C2CD4A: variants seen among roughly 807,000 people sequenced by gnomAD.
C2CD4A encodes the protein C2 calcium-dependent domain-containing protein 4A.
In C2CD4A, 2 loss-of-function variants were observed where a neutral mutation model predicts 0.4. That is an observed-to-expected ratio of 4.45 (90% confidence interval 1.82 to 13.99). The LOEUF is 13.99. Among genes scored for constraint, C2CD4A ranks in the 30% most tolerant of loss-of-function variants. The probability of loss-of-function intolerance (pLI) is 0.04; values close to 1 mark genes in which losing one functional copy is unlikely to be tolerated. For missense variants in C2CD4A, 610 were observed against 574.2 expected (o/e 1.06, Z -0.64); for synonymous variants, 297 against 280.8 (o/e 1.06, Z -0.58).
At position 62,067,663 on chromosome 15, in the gene C2CD4A, G is replaced by C; in HGVS notation, c.50G>C (p.Ser17Thr). The C allele has an allele frequency of 6.2e-7, 1 of 1,606,586 alleles. No individual in the cohort carries two copies. Among genetic ancestry groups the C allele is most frequent in the East Asian group, 2.2e-5 (1 of 44,830 alleles). ...TTGGGTCCTGAGTGCCTTCGGCGGA[G>C]CGGAGACTGGCTTCTCCCGGGTCGG... is the stretch of plus-strand genomic sequence containing the variant. ...LRLGPECLRR[S>T]GDWLLPGRAR... Residue 17 changes from serine to threonine, a missense_variant, in exon 2 of 2, where the codon AGC becomes ACC. Ser to Thr is a moderately conservative substitution (Grantham distance 58, BLOSUM62 1). Transcript: ENST00000355522.
At position 62,068,478 on chromosome 15, in the gene C2CD4A, G is replaced by T; in HGVS notation, c.865G>T (p.Ala289Ser). Reference sequence around the variant, plus strand: ...GGCCGGAGGCGCCCCCGGGCCCCGAGCCGTCAGCTGTCGCCTCAGCCTCGT... The same window carrying T: ...GGCCGGAGGCGCCCCCGGGCCCCGATCCGTCAGCTGTCGCCTCAGCCTCGT... Reference protein sequence around the residue: ...SPAGGAPGPRAVSCRLSLVLR... With the variant: ...SPAGGAPGPRSVSCRLSLVLR... The change falls in exon 2 of 2, where the codon GCC (alanine) becomes TCC (serine). Residue 289 changes from alanine (A) to serine (S), a missense_variant. By Grantham distance (99) the Ala-to-Ser change is moderately conservative. Coordinates refer to ENST00000355522, the MANE Select transcript of C2CD4A (RefSeq NM_207322.3). 1 of 1,468,928 alleles carries T rather than the reference G, an allele frequency of 6.8e-7. No homozygotes were observed. The highest frequency in any genetic ancestry group is 1.3e-5 in the South Asian group (1 of 75,266). 91.0% of individuals were successfully genotyped at this position (1,468,928 alleles called of 1,614,324 possible).
At position 62,068,246 on chromosome 15, in the gene C2CD4A, C is replaced by T; in HGVS notation, c.633C>T (p.Asn211=). The change falls in exon 2 of 2, where the codon AAC becomes AAT. Residue 211 remains asparagine, a synonymous_variant. Coordinates refer to ENST00000355522, the MANE Select transcript of C2CD4A (RefSeq NM_207322.3). Reference sequence around the variant, plus strand: ...GCGTCCGCTCCGTCTCCAGCGGGAACGAGGACAAGGAGCGCCGCGCGGGCT... The same window carrying T: ...GCGTCCGCTCCGTCTCCAGCGGGAATGAGGACAAGGAGCGCCGCGCGGGCT... ...LTRVRSVSSG[N]EDKERRAGSQ... 7.3e-7 allele frequency: 1 copy of T among 1,375,430 alleles called. No individual in the cohort carries two copies. Among genetic ancestry groups the T allele is most frequent in the Non-Finnish European group, 9.4e-7 (1 of 1,064,112 alleles). 85.2% of individuals were successfully genotyped at this position (1,375,430 alleles called of 1,614,324 possible).
chr15:62,069,071 G>A lies in C2CD4A; in HGVS notation c.*348G>A. ...CCAATCACCTCATTTTAAAATTGGTGCTTTCCACAACATGCATGGAGACCA... is the reference window on the plus strand; with the variant it reads ...CCAATCACCTCATTTTAAAATTGGTACTTTCCACAACATGCATGGAGACCA... On this transcript the variant is annotated 3_prime_UTR_variant, in exon 2 of 2. Coordinates refer to ENST00000355522, the MANE Select transcript of C2CD4A (RefSeq NM_207322.3). The A allele has an allele frequency of 3.8e-6, 1 of 266,456 alleles. No individual in the cohort carries two copies. Among genetic ancestry groups the A allele is most frequent in the East Asian group, 7.1e-5 (1 of 14,030 alleles). The allele number at this position is 266,456 out of a possible 1,614,324, so 16.5% of individuals were successfully genotyped here. A position where few individuals can be genotyped will look rare whatever the true frequency, so the allele number is the denominator to read the frequency against.
Position 62,068,026 on chromosome 15 carries a change from G to A in C2CD4A, c.413G>A (p.Gly138Asp). The change falls in exon 2 of 2, where the codon GGC (glycine) becomes GAC (aspartate). Residue 138 changes from glycine (G) to aspartate (D), a missense_variant. Coordinates refer to ENST00000355522, the MANE Select transcript of C2CD4A (RefSeq NM_207322.3). ...CCCCGGGCCCACACCTACGGCGGCG[G>A]CGGCGGCCCGGACGCCCTCCTGGGG... ...PRPRAHTYGG[G>D]GGPDALLGTL... 2.3e-6 allele frequency: 3 copies of A among 1,277,648 alleles called. No homozygotes were observed. Among genetic ancestry groups the A allele is most frequent in the African/African-American group, 3.1e-5 (2 of 63,834 alleles). 79.1% of individuals were successfully genotyped at this position (1,277,648 alleles called of 1,614,324 possible).
chr15:62,067,667 A>G lies in C2CD4A; in HGVS notation c.54A>G (p.Gly18=). The G allele has an allele frequency of 1.1e-5, 17 of 1,607,174 alleles. No individual in the cohort carries two copies. Among genetic ancestry groups the G allele is most frequent in the Non-Finnish European group, 1.4e-5 (16 of 1,179,680 alleles). ...RLGPECLRRS[G]DWLLPGRARG... ...GTCCTGAGTGCCTTCGGCGGAGCGG[A>G]GACTGGCTTCTCCCGGGTCGGGCCC... The change falls in exon 2 of 2, where the codon GGA becomes GGG. Residue 18 remains glycine (G), a synonymous_variant. Transcript: ENST00000355522.
At position 62,070,730 on chromosome 15, in the gene C2CD4A, T is replaced by G. The variant is rs1254502113; in HGVS notation, c.*2007T>G. On this transcript the variant is annotated 3_prime_UTR_variant, in exon 2 of 2. Coordinates refer to ENST00000355522, the MANE Select transcript of C2CD4A (RefSeq NM_207322.3). ...TTGCAGTTGTTGACCAAATGAATGA[T>G]GACATAGAGTAGTTCAGATCTATCA... The G allele has an allele frequency of 4.1e-5, 16 of 386,276 alleles. No individual in the cohort carries two copies. Among genetic ancestry groups the G allele is most frequent in the Non-Finnish European group, 6.2e-5 (13 of 210,622 alleles). The allele number at this position is 386,276 out of a possible 1,614,324, so 23.9% of individuals were successfully genotyped here.
Position 62,069,086 on chromosome 15 carries a change from C to T in C2CD4A, c.*363C>T. The T allele has an allele frequency of 4.0e-6, 1 of 248,112 alleles. No individual in the cohort carries two copies. The highest frequency in any genetic ancestry group is 8.2e-6 in the Non-Finnish European group (1 of 121,484). 15.4% of individuals were successfully genotyped at this position (248,112 alleles called of 1,614,324 possible). ...TAAAATTGGTGCTTTCCACAACATG[C>T]ATGGAGACCATCTTGGAGCATTTAC... On this transcript the variant is annotated 3_prime_UTR_variant, in exon 2 of 2. Transcript: ENST00000355522.
In C2CD4A at chr15:62,068,861, T is replaced by C. The variant is rs1229311544; in HGVS notation, c.*138T>C. The C allele has an allele frequency of 3.4e-6, 4 of 1,182,714 alleles. No individual in the cohort carries two copies. The African/African-American group carries it at 6.4e-5, about 19-fold the overall frequency. The allele number at this position is 1,182,714 out of a possible 1,614,324, so 73.3% of individuals were successfully genotyped here. ...CTGGCAGAGATGATTCTAGATTAAC[T>C]ATCCCAGTAAAAGATATGATATTTT... is the stretch of plus-strand genomic sequence containing the variant. On this transcript the variant is annotated 3_prime_UTR_variant, in exon 2 of 2. Transcript: ENST00000355522.
chr15:62,068,436 C>T lies in C2CD4A; in HGVS notation c.823C>T (p.Leu275Phe), dbSNP rs1399684350. 1.4e-6 allele frequency: 2 copies of T among 1,414,306 alleles called. No individual in the cohort carries two copies. The highest frequency in any genetic ancestry group is 3.0e-5 in the African/African-American group (2 of 66,198). 87.6% of individuals were successfully genotyped at this position (1,414,306 alleles called of 1,614,324 possible). A position where few individuals can be genotyped will look rare whatever the true frequency, so the allele number is the denominator to read the frequency against. The change falls in exon 2 of 2, where the codon CTC becomes TTC. Residue 275 changes from leucine (L) to phenylalanine (F), a missense_variant. Physicochemically the swap from Leu to Phe is conservative, Grantham distance 22. Coordinates refer to ENST00000355522, the MANE Select transcript of C2CD4A (RefSeq NM_207322.3). ...PGTGRLRLRLLRAESPAGGAP... is the reference protein window; with the variant it reads ...PGTGRLRLRLFRAESPAGGAP... ...AACCGGGCGGCTCCGCCTCCGGCTG[C>T]TCCGCGCCGAGAGCCCGGCCGGAGG...
rs1450548717 is a variant in C2CD4A at position 62,068,242 on chromosome 15, G to A, written c.629G>A (p.Gly210Glu). The change falls in exon 2 of 2, where the codon GGG (glycine) becomes GAG (glutamate). Residue 210 changes from glycine (G) to glutamate (E), a missense_variant. By Grantham distance (98) the Gly-to-Glu change is moderately conservative. Coordinates refer to ENST00000355522, the MANE Select transcript of C2CD4A (RefSeq NM_207322.3). Reference protein sequence around the residue: ...RLTRVRSVSSGNEDKERRAGS... With the variant: ...RLTRVRSVSSENEDKERRAGS... ...ACCCGCGTCCGCTCCGTCTCCAGCG[G>A]GAACGAGGACAAGGAGCGCCGCGCG... 8 of 1,376,034 alleles carry A rather than the reference G, an allele frequency of 5.8e-6. No individual in the cohort carries two copies. The Admixed American group carries it at 1.2e-4, about 21-fold the overall frequency. 85.2% of individuals were successfully genotyped at this position (1,376,034 alleles called of 1,614,324 possible). A position where few individuals can be genotyped will look rare whatever the true frequency, so the allele number is the denominator to read the frequency against.
Position 62,068,832 on chromosome 15 carries a change from A to G in C2CD4A, c.*109A>G. 7.6e-7 allele frequency: 1 copy of G among 1,323,882 alleles called. No individual in the cohort carries two copies. Among genetic ancestry groups the G allele is most frequent in the South Asian group, 1.8e-5 (1 of 56,366 alleles). 82.0% of individuals were successfully genotyped at this position (1,323,882 alleles called of 1,614,324 possible). A position where few individuals can be genotyped will look rare whatever the true frequency, so the allele number is the denominator to read the frequency against. On this transcript the variant is annotated 3_prime_UTR_variant, in exon 2 of 2. Coordinates refer to ENST00000355522, the MANE Select transcript of C2CD4A (RefSeq NM_207322.3). Reference sequence around the variant, plus strand: ...GTTCTTATCAGTCCCGTTTCAGTACAACACTGGCAGAGATGATTCTAGATT... The same window carrying G: ...GTTCTTATCAGTCCCGTTTCAGTACGACACTGGCAGAGATGATTCTAGATT...
In C2CD4A at chr15:62,070,061, T is replaced by C; in HGVS notation, c.*1338T>C. On this transcript the variant is annotated 3_prime_UTR_variant, in exon 2 of 2. Transcript: ENST00000355522. ...GAACAGGCAGTGGAGAGTGTACAGA[T>C]AGCATGGTTTTACCTCTGGCTTCTG... 3.2e-6 allele frequency: 1 copy of C among 310,536 alleles called. No individual in the cohort carries two copies. Among genetic ancestry groups the C allele is most frequent in the Non-Finnish European group, 6.1e-6 (1 of 163,330 alleles). The allele number at this position is 310,536 out of a possible 1,614,324, so 19.2% of individuals were successfully genotyped here. A position where few individuals can be genotyped will look rare whatever the true frequency, so the allele number is the denominator to read the frequency against.
Position 62,068,530 on chromosome 15 carries a change from G to C in C2CD4A, c.917G>C (p.Arg306Pro), listed in dbSNP as rs772989740. ...LVLRPPGTALRQCSTVVGRSR... is the reference protein window; with the variant it reads ...LVLRPPGTALPQCSTVVGRSR... ...CTGCGGCCGCCGGGCACCGCGCTTCGGCAATGCAGCACTGTGGTGGGGCGC... is the reference window on the plus strand; with the variant it reads ...CTGCGGCCGCCGGGCACCGCGCTTCCGCAATGCAGCACTGTGGTGGGGCGC... Residue 306 changes from arginine (R) to proline (P), a missense_variant, in exon 2 of 2, where the codon CGG (arginine) becomes CCG (proline). Physicochemically the swap from Arg to Pro is moderately radical, Grantham distance 103. Transcript: ENST00000355522. 52 of 1,533,698 alleles carry C rather than the reference G, an allele frequency of 3.4e-5. 2 individuals are homozygous for C. In the South Asian group the frequency reaches 5.8e-4, roughly 17 times the overall value.
chr15:62,068,463 G>GC lies in C2CD4A; in HGVS notation c.855dup (p.Gly286ArgfsTer36). On this transcript the variant is annotated frameshift_variant, in exon 2 of 2. Coordinates refer to ENST00000355522, the MANE Select transcript of C2CD4A (RefSeq NM_207322.3). ...CCGCGCCGAGAGCCCGGCCGGAGGCGCCCCCGGGCCCCGAGCCGTCAGCTG... is the reference window on the plus strand; with the variant it reads ...CCGCGCCGAGAGCCCGGCCGGAGGCGCCCCCCGGGCCCCGAGCCGTCAGCTG... 2.8e-6 allele frequency: 4 copies of GC among 1,429,262 alleles called. No individual in the cohort carries two copies. The highest frequency in any genetic ancestry group is 2.7e-6 in the Non-Finnish European group (3 of 1,100,352). The allele number at this position is 1,429,262 out of a possible 1,614,324, so 88.5% of individuals were successfully genotyped here.
chr15:62,068,158 T>G lies in C2CD4A; in HGVS notation c.545T>G (p.Leu182Arg). Residue 182 changes from leucine to arginine, a missense_variant, in exon 2 of 2, where the codon CTG (leucine) becomes CGG (arginine). Transcript: ENST00000355522. ...CGGCGGCCCCGCGGCTGCCGCCTCC[T>G]GCGCGTCCCCGACGGGCTGCTGAGT... ...LARRPRGCRL[L>R]RVPDGLLSRA... 2 of 1,228,092 alleles carry G rather than the reference T, an allele frequency of 1.6e-6. No homozygotes were observed. The highest frequency in any genetic ancestry group is 1.6e-5 in the African/African-American group (1 of 63,196). The allele number at this position is 1,228,092 out of a possible 1,614,324, so 76.1% of individuals were successfully genotyped here. A position where few individuals can be genotyped will look rare whatever the true frequency, so the allele number is the denominator to read the frequency against.
In C2CD4A at chr15:62,068,247, G is replaced by A. The variant is rs1037498703; in HGVS notation, c.634G>A (p.Glu212Lys). The A allele has an allele frequency of 1.1e-4, 145 of 1,369,142 alleles. No homozygotes were observed. Among genetic ancestry groups the A allele is most frequent in the Non-Finnish European group, 1.3e-4 (141 of 1,061,260 alleles). The allele number at this position is 1,369,142 out of a possible 1,614,324, so 84.8% of individuals were successfully genotyped here. A position where few individuals can be genotyped will look rare whatever the true frequency, so the allele number is the denominator to read the frequency against. Residue 212 changes from glutamate to lysine, a missense_variant, in exon 2 of 2, where the codon GAG becomes AAG. Physicochemically the swap from Glu to Lys is moderately conservative, Grantham distance 56 (BLOSUM62 1). Transcript: ENST00000355522. ...CGTCCGCTCCGTCTCCAGCGGGAAC[G>A]AGGACAAGGAGCGCCGCGCGGGCTC... is the stretch of plus-strand genomic sequence containing the variant. ...TRVRSVSSGN[E>K]DKERRAGSQS...
rs1282962500 is a variant in C2CD4A at position 62,070,658 on chromosome 15, A to C, written c.*1935A>C. On this transcript the variant is annotated 3_prime_UTR_variant, in exon 2 of 2. Coordinates refer to ENST00000355522, the MANE Select transcript of C2CD4A (RefSeq NM_207322.3). ...GATGACCATTGAACAAATGTGAAGA[A>C]TACTGTGAATTCTATGACTTTATCA... is the stretch of plus-strand genomic sequence containing the variant. The C allele has an allele frequency of 9.7e-6, 4 of 410,284 alleles. No individual in the cohort carries two copies. The highest frequency in any genetic ancestry group is 1.8e-5 in the Non-Finnish European group (4 of 224,434). 25.4% of individuals were successfully genotyped at this position (410,284 alleles called of 1,614,324 possible). A position where few individuals can be genotyped will look rare whatever the true frequency, so the allele number is the denominator to read the frequency against.
In C2CD4A at chr15:62,068,748, C is replaced by T. The variant is rs1025180071; in HGVS notation, c.*25C>T. The T allele has an allele frequency of 3.4e-6, 5 of 1,450,964 alleles. No homozygotes were observed. Among genetic ancestry groups the T allele is most frequent in the East Asian group, 5.2e-5 (2 of 38,156 alleles). The allele number at this position is 1,450,964 out of a possible 1,614,324, so 89.9% of individuals were successfully genotyped here. A position where few individuals can be genotyped will look rare whatever the true frequency, so the allele number is the denominator to read the frequency against. ...AGGGCCCAGCCCTCCCCGGGGCGCT[C>T]TGCCCGGGGGACTCCGGACACTGAC... On this transcript the variant is annotated 3_prime_UTR_variant, in exon 2 of 2. Coordinates refer to ENST00000355522, the MANE Select transcript of C2CD4A (RefSeq NM_207322.3).
chr15:62,068,699 C>T lies in C2CD4A; in HGVS notation c.1086C>T (p.Ser362=). ...RGRLLGQGEL[S]LGALLLL is the part of the protein sequence containing the mutation. ...GCCTGCTGGGCCAGGGTGAGCTGTC[C>T]CTGGGCGCCCTCCTGCTGCTCTGAG... Residue 362 remains serine (S), a synonymous_variant, in exon 2 of 2, where the codon TCC becomes TCT. Transcript: ENST00000355522. 2.6e-6 allele frequency: 4 copies of T among 1,526,690 alleles called. No homozygotes were observed. The highest frequency in any genetic ancestry group is 1.8e-6 in the Non-Finnish European group (2 of 1,134,202). 94.6% of individuals were successfully genotyped at this position (1,526,690 alleles called of 1,614,324 possible). A position where few individuals can be genotyped will look rare whatever the true frequency, so the allele number is the denominator to read the frequency against.
Sources: gnomAD v4.1 joint callset for allele counts on GRCh38, gnomAD v4.1.1 for gene constraint, MANE v1.5 for transcripts, NCBI Gene and HGNC (gene_info 2026-07-23, HGNC 2026-07-21) for gene names.